PTPRD: variants seen among roughly 807,000 people sequenced by gnomAD.
PTPRD encodes the protein protein tyrosine phosphatase receptor type D.
A neutral mutation model predicts 214.5 loss-of-function variants in PTPRD; 34 were observed. The ratio of observed to expected loss-of-function variants is 0.16; its 90% CI spans 0.12 to 0.21. The LOEUF (loss-of-function observed/expected upper bound fraction) is 0.21, where lower values mean the gene tolerates loss of function less well. PTPRD is among the 10% of genes least tolerant of loss of function. PTPRD has a pLI of 1.00. For missense variants in PTPRD, 2,545 were observed against 2,398.7 expected, an observed-to-expected ratio of 1.06 and a Z score of -1.27; for synonymous variants, 1,128 against 845.7, an observed-to-expected ratio of 1.33 and a Z score of -5.79.
intron 10 of PTPRD, among the ~76,000 whole-genome samples, chr9:9,083,831 T>C (rs2099762756): frequency 6.6e-6 from 1 of 152,136 alleles, no homozygotes; most frequent in African/African-American, 2.4e-5. Flanking sequence ...ATTACAGTAA[T>C]GCAAATCAAA....
chr9:8,642,825 T>C (rs1298362778), intron 12 of PTPRD, among the ~76,000 whole-genome samples: 2 of 152,148 alleles, frequency 1.3e-5, no homozygotes, highest in East Asian at 1.9e-4. Context: ...TTAGCTTCAT[T>C]TTCACTGGGA....
intron 12 of PTPRD, among the ~76,000 whole-genome samples, chr9:8,672,846 T>TG (rs1259189115): frequency 9.1e-3 from 110 of 12,082 alleles, no homozygotes; most frequent in African/African-American, 0.02. Context: ...GTACTCTGTG[T>TG]GGGGGGGGTG....
At chr9:9,798,249 A>G (rs1167602412) in intron 5 of PTPRD, among the ~76,000 whole-genome samples, 1 of 152,204 alleles carries the variant, frequency 6.6e-6, no homozygotes, top group Non-Finnish European at 1.5e-5. Context: ...CATATGTAAT[A>G]AAAGAGGTCA....
At chr9:9,465,156 C>T (rs1284615311) in intron 8 of PTPRD, among the ~76,000 whole-genome samples, 5 of 152,116 alleles carry the variant, frequency 3.3e-5, no homozygotes, top group Non-Finnish European at 7.4e-5. Context: ...TCTTAAAATA[C>T]AGCAATATAG....
At chr9:8,889,850 C>T (rs1452978618) in intron 11 of PTPRD, among the ~76,000 whole-genome samples, 1 of 152,040 alleles carries the variant, frequency 6.6e-6, no homozygotes, top group Admixed American at 6.6e-5. Flanking sequence ...TTTCTTTATC[C>T]ACTTGTTGGT....
intron 2 of PTPRD, among the ~76,000 whole-genome samples, chr9:10,489,447 A>G (rs1367668498): frequency 6.6e-6 from 1 of 152,082 alleles, no homozygotes; most frequent in Non-Finnish European, 1.5e-5. Context: ...GATGACAGCA[A>G]TCCCTTAGCT....
At chr9:10,554,699 C>T (rs762721943) in intron 2 of PTPRD, among the ~76,000 whole-genome samples, 26 of 151,604 alleles carry the variant, frequency 1.7e-4, no homozygotes, top group African/African-American at 5.8e-4. Context: ...CTCGCTTTGT[C>T]GCTCAGACTG....
intron 4 of PTPRD, among the ~76,000 whole-genome samples, chr9:9,941,737 AG>A (rs2091502873): frequency 1.3e-5 from 2 of 152,196 alleles, no homozygotes. Context: ...GGTGGAGAGT[AG>A]AACAACTCTG....
chr9:8,904,803 T>C (rs2098696272), intron 11 of PTPRD, among the ~76,000 whole-genome samples: 2 of 152,200 alleles, frequency 1.3e-5, no homozygotes. Context: ...AAATCTTATA[T>C]TTGATTGTAC....
chr9:8,827,365 G>T (rs1403108888), intron 11 of PTPRD, among the ~76,000 whole-genome samples: 1 of 152,136 alleles, frequency 6.6e-6, no homozygotes, highest in African/African-American at 2.4e-5. Flanking sequence ...CCAGCACTTT[G>T]GGAGGCCAAG....
At chr9:10,064,620 A>T (rs547987330) in intron 3 of PTPRD, among the ~76,000 whole-genome samples, 2 of 151,972 alleles carry the variant, frequency 1.3e-5, no homozygotes, top group East Asian at 3.9e-4. Context: ...TATTTCCCAA[A>T]CATCCTCCCT....
intron 11 of PTPRD, among the ~76,000 whole-genome samples, chr9:8,851,874 T>G (rs921400315): frequency 2.0e-5 from 3 of 152,126 alleles, no homozygotes; most frequent in Non-Finnish European, 4.4e-5. Context: ...TGAATGTTCT[T>G]TTCACTGTAG....
In PTPRD at chr9:8,330,289, G is replaced by C. The variant is rs887145516; in HGVS notation, c.5534+1293C>G. Among the ~76,000 whole-genome samples the C allele has an allele frequency of 5.9e-5, 9 of 152,266 alleles. No individual in the cohort carries two copies. The South Asian group carries it at 1.5e-3, about 25-fold the overall frequency. The stretch of plus-strand genomic sequence containing the variant: ...TGTGTCAATCTCACTGGGAACAGCA[G>C]ACCAGAGCTATTCCTATTCAGCCAT... On this transcript the variant is annotated intron_variant, in intron 44 of 45. Transcript: ENST00000381196.
chr9:8,355,404 C>G (rs780406207), intron 39 of PTPRD, among the ~76,000 whole-genome samples: 2 of 141,752 alleles, frequency 1.4e-5, no homozygotes, highest in African/African-American at 2.5e-5. Context: ...AGCTCTATCT[C>G]TTTTAGAATA....
chr9:8,388,641 G>C (rs2088151187), intron 37 of PTPRD, among the ~76,000 whole-genome samples: 1 of 152,142 alleles, frequency 6.6e-6, no homozygotes, highest in African/African-American at 2.4e-5. Context: ...ACCTTACCAA[G>C]CTATGACTCC....
chr9:10,254,551 T>C (rs552293266), intron 3 of PTPRD, among the ~76,000 whole-genome samples: 1 of 152,228 alleles, frequency 6.6e-6, no homozygotes, highest in South Asian at 2.1e-4. Flanking sequence ...TTTAGCCCCA[T>C]CAGCTATTTA....
intron 5 of PTPRD, among the ~76,000 whole-genome samples, chr9:9,931,951 C>T (rs983315593): frequency 6.6e-6 from 1 of 151,964 alleles, no homozygotes. Context: ...TGGGAGGCAC[C>T]CCCCAGCAGG....
chr9:9,837,429 C>T (rs940425040), intron 5 of PTPRD, among the ~76,000 whole-genome samples: 1 of 152,110 alleles, frequency 6.6e-6, no homozygotes, highest in Admixed American at 6.6e-5. Context: ...ATTTTAGGTT[C>T]TCTTTTCCTT....
At chr9:9,543,516 A>T (rs2078078893) in intron 8 of PTPRD, among the ~76,000 whole-genome samples, 1 of 151,620 alleles carries the variant, frequency 6.6e-6, no homozygotes, top group African/African-American at 2.4e-5. Context: ...AAATTTCAAA[A>T]TTTTAATTGA....
Sources: gnomAD v4.1 joint callset for allele counts (sites outside exome capture counted in the v4.1 genomes callset) on GRCh38, gnomAD v4.1.1 for gene constraint, MANE v1.5 for transcripts, NCBI Gene and HGNC (gene_info 2026-07-23, HGNC 2026-07-21) for gene names.